Variants in COL24A1 observed in about 807,000 individuals in gnomAD.
COL24A1 encodes the protein collagen type XXIV alpha 1 chain, also known as collagen alpha-1(XXIV) chain.
COL24A1 carries 224 observed loss-of-function variants against 253.9 expected under a neutral mutation model. That is an observed-to-expected ratio of 0.88 (90% CI 0.79 to 0.99). COL24A1 has a LOEUF of 0.99. Among genes scored for constraint, COL24A1 ranks in the 50% least tolerant of loss-of-function variants. The probability of loss-of-function intolerance (pLI) is 0.00; values close to 1 mark genes in which losing one functional copy is unlikely to be tolerated. For missense variants in COL24A1, 2,131 were observed against 2,068.5 expected (o/e 1.03, Z -0.59); for synonymous variants, 685 against 673.7 (o/e 1.02, Z -0.26).
At chr1:85,989,986 G>C (rs886168828) in intron 19 of COL24A1, among the ~76,000 whole-genome samples, 1 of 152,120 alleles carries the variant, frequency 6.6e-6, no homozygotes, top group African/African-American at 2.4e-5. Context: ...TAATCAGATT[G>C]TAAACTCTTT....
rs140634710 is a variant in COL24A1 at position 85,792,585 on chromosome 1, G to A, written c.3952-6124C>T. Among the ~76,000 whole-genome samples the A allele has an allele frequency of 5.7e-3, 855 of 150,852 alleles. 4 individuals carry two copies. The highest frequency in any genetic ancestry group is 0.024 in the Middle Eastern group (7 of 288). On this transcript the variant is annotated intron_variant, in intron 47 of 59. Coordinates refer to ENST00000370571, the MANE Select transcript of COL24A1 (RefSeq NM_152890.7). ...CCAGGGCATGGTATTGTGAGCATCT[G>A]TAGCCTTAGCTGCTTGGGAAGCTGA...
chr1:86,058,606 T>G (rs1455039065), intron 9 of COL24A1, among the ~76,000 whole-genome samples: 1 of 151,652 alleles, frequency 6.6e-6, no homozygotes, highest in Admixed American at 6.6e-5. Context: ...ATTATTAATC[T>G]ACATGAAGTA....
At chr1:86,056,466 A>T (rs535851957) in intron 10 of COL24A1, among the ~76,000 whole-genome samples, 4 of 152,354 alleles carry the variant, frequency 2.6e-5, no homozygotes, top group African/African-American at 7.2e-5. Flanking sequence ...AATAAAATAC[A>T]TATGAAAGTA....
chr1:86,063,614 G>T, intron 8 of COL24A1, 101 bp downstream of exon 8: 1 of 764,702 alleles, frequency 1.3e-6, no homozygotes, highest in Non-Finnish European at 2.0e-6. Flanking sequence ...AAATCACTGA[G>T]AAGAAAAATT....
chr1:86,043,617 T>A (rs1699669320), intron 12 of COL24A1, among the ~76,000 whole-genome samples: 1 of 152,072 alleles, frequency 6.6e-6, no homozygotes, highest in Admixed American at 6.6e-5. Flanking sequence ...AACCTCCGCC[T>A]CTTGGATTCA....
chr1:85,746,578 T>C (rs538776178), intron 55 of COL24A1, among the ~76,000 whole-genome samples: 2 of 152,066 alleles, frequency 1.3e-5, no homozygotes, highest in South Asian at 4.2e-4. Context: ...CACGAAACTA[T>C]GAGAGAAATT....
At chr1:85,910,027 G>C in intron 25 of COL24A1, 24 bp from the exon 26 acceptor site, 1 of 1,587,030 alleles carries the variant, frequency 6.3e-7, no homozygotes. Flanking sequence ...AAAGAAAAAA[G>C]AGTAACATAG....
chr1:86,144,744 T>C (rs1329818640), intron 2 of COL24A1, among the ~76,000 whole-genome samples: 1 of 152,080 alleles, frequency 6.6e-6, no homozygotes, highest in Non-Finnish European at 1.5e-5. Flanking sequence ...AGCTTTTACT[T>C]GGAGGTGGTT....
intron 32 of COL24A1, among the ~76,000 whole-genome samples, chr1:85,888,747 G>A (rs1392009475): frequency 1.3e-5 from 2 of 152,066 alleles, no homozygotes; most frequent in African/African-American, 4.8e-5. Context: ...CACAGATTAA[G>A]TATATAAATG....
chr1:85,970,997 G>T (rs1395445585), intron 21 of COL24A1, among the ~76,000 whole-genome samples: 2 of 152,186 alleles, frequency 1.3e-5, no homozygotes, highest in African/African-American at 4.8e-5. Context: ...AGGACTGCTT[G>T]AGGCCAGAAG....
At chr1:85,799,375 T>G (rs1398157610) in intron 47 of COL24A1, among the ~76,000 whole-genome samples, 2 of 75,520 alleles carry the variant, frequency 2.6e-5, no homozygotes, top group African/African-American at 9.6e-5. Flanking sequence ...CATGGTGCCA[T>G]GACTAAAAAA....
chr1:85,947,125 T>A (rs1689399874), intron 24 of COL24A1, among the ~76,000 whole-genome samples: 1 of 152,230 alleles, frequency 6.6e-6, no homozygotes, highest in African/African-American at 2.4e-5. Flanking sequence ...ATTAAATCAA[T>A]GCCTTAACAT....
At chr1:85,841,944 G>T in intron 41 of COL24A1, 124 bp downstream of exon 41, 2 of 706,752 alleles carry the variant, frequency 2.8e-6, no homozygotes, top group Non-Finnish European at 4.8e-6. Context: ...TCCAGAATTA[G>T]TAAAATTTTC....
chr1:86,151,708 A>G (rs886329146), intron 1 of COL24A1, among the ~76,000 whole-genome samples: 1 of 152,182 alleles, frequency 6.6e-6, no homozygotes, highest in Non-Finnish European at 1.5e-5. Context: ...TATTCAAAAG[A>G]TCCAAGTTGC....
chr1:85,746,306 T>C (rs1257340978), intron 55 of COL24A1, among the ~76,000 whole-genome samples: 2 of 152,124 alleles, frequency 1.3e-5, no homozygotes, highest in African/African-American at 2.4e-5. Flanking sequence ...TGGTTGGTAG[T>C]TTGAAAAACT....
At chr1:86,135,825 C>A (rs1238546883) in intron 2 of COL24A1, among the ~76,000 whole-genome samples, 1 of 151,888 alleles carries the variant, frequency 6.6e-6, no homozygotes, top group East Asian at 1.9e-4. Context: ...TGTGTACATT[C>A]TCATTTTTGC....
intron 7 of COL24A1, among the ~76,000 whole-genome samples, chr1:86,065,997 G>A (rs969338788): frequency 6.6e-6 from 1 of 151,990 alleles, no homozygotes; most frequent in South Asian, 2.1e-4. Context: ...AGTTGTCAGA[G>A]GACAAGATAA....
At chr1:86,047,206 T>C (rs1699974825) in intron 11 of COL24A1, among the ~76,000 whole-genome samples, 1 of 152,174 alleles carries the variant, frequency 6.6e-6, no homozygotes, top group African/African-American at 2.4e-5. Context: ...ATTTTCCACA[T>C]CTAAGGGACA....
At chr1:85,853,424 G>A (rs911448137) in intron 37 of COL24A1, among the ~76,000 whole-genome samples, 2 of 152,130 alleles carry the variant, frequency 1.3e-5, no homozygotes, top group African/African-American at 2.4e-5. Flanking sequence ...ATGGTGCTGC[G>A]CTGAAGATAA....
Sources: allele counts gnomAD v4.1 joint callset (sites outside exome capture counted in the v4.1 genomes callset), GRCh38; gene constraint gnomAD v4.1.1; transcripts MANE v1.5; gene names NCBI Gene and HGNC (gene_info 2026-07-23, HGNC 2026-07-21).